PELI2: variants seen among roughly 807,000 people sequenced by gnomAD.
The protein encoded by PELI2 is pellino E3 ubiquitin protein ligase family member 2, also known as E3 ubiquitin-protein ligase pellino homolog 2.
Under a neutral mutation model 42.3 loss-of-function variants are expected in PELI2, and 23 were observed. The ratio of observed to expected loss-of-function variants is 0.54; its 90% CI spans 0.39 to 0.77. PELI2 has a LOEUF of 0.77. PELI2 is among the 30% of genes least tolerant of loss of function. The pLI, the probability that PELI2 is intolerant of heterozygous loss-of-function variation, is 0.00. For missense variants in PELI2, 463 were observed against 553.2 expected (o/e 0.84, Z 1.64); for synonymous variants, 245 against 212.2 (o/e 1.15, Z -1.34).
intron 2 of PELI2, among the ~76,000 whole-genome samples, chr14:56,184,852 G>A (rs1885711579): frequency 6.6e-6 from 1 of 151,982 alleles, no homozygotes; most frequent in Non-Finnish European, 1.5e-5. Context: ...CTCATATATT[G>A]CTTAGCTTGT....
At chr14:56,200,442 G>A (rs1435797439) in intron 2 of PELI2, among the ~76,000 whole-genome samples, 1 of 152,158 alleles carries the variant, frequency 6.6e-6, no homozygotes. Context: ...GTGGAGTGAA[G>A]ACACGCCTGG....
chr14:56,271,940 T>C (rs1213993842), intron 2 of PELI2, among the ~76,000 whole-genome samples: 1 of 152,152 alleles, frequency 6.6e-6, no homozygotes, highest in Non-Finnish European at 1.5e-5. Context: ...GAAAGGCAAG[T>C]GCAGTGGGCA....
At chr14:56,233,920 C>T (rs1052053465) in intron 2 of PELI2, among the ~76,000 whole-genome samples, 1 of 151,954 alleles carries the variant, frequency 6.6e-6, no homozygotes, top group African/African-American at 2.4e-5. Flanking sequence ...GGAATATTAA[C>T]CCCATCAAAA....
At chr14:56,159,379 C>A (rs182778132) in intron 1 of PELI2, among the ~76,000 whole-genome samples, 2 of 152,300 alleles carry the variant, frequency 1.3e-5, no homozygotes, top group African/African-American at 2.4e-5. Context: ...GAGTATAATA[C>A]CAACTGCCAG....
chr14:56,188,350 G>A (rs1885843981), intron 2 of PELI2, among the ~76,000 whole-genome samples: 1 of 152,182 alleles, frequency 6.6e-6, no homozygotes, highest in Admixed American at 6.5e-5. Flanking sequence ...ACAGGCACAT[G>A]CATAGATAGT....
At chr14:56,202,494 G>A (rs11623568) in intron 2 of PELI2, among the ~76,000 whole-genome samples, 60,918 of 151,466 alleles carry the variant, frequency 0.4, 12,892 homozygotes, top group South Asian at 0.53. Flanking sequence ...CCCCTCCTTC[G>A]CTACACTTGA....
intron 2 of PELI2, among the ~76,000 whole-genome samples, chr14:56,255,738 A>G (rs1888506089): frequency 6.6e-6 from 1 of 152,160 alleles, no homozygotes; most frequent in African/African-American, 2.4e-5. Context: ...GATTGGTGTG[A>G]TCAGGTGTGT....
Position 56,288,902 on chromosome 14 carries a change from A to G in PELI2, c.507+268A>G, listed in dbSNP as rs2139894005. Among the ~76,000 whole-genome samples the G allele has an allele frequency of 6.6e-6, 1 of 152,348 alleles. No individual in the cohort carries two copies. Among genetic ancestry groups the G allele is most frequent in the Admixed American group, 6.5e-5 (1 of 15,302 alleles). On this transcript the variant is annotated intron_variant, in intron 4 of 5. Transcript: ENST00000267460. This position sits in a 1 kb window ranked among gnomAD's most constrained non-coding sequence, Gnocchi z 4.6. ...ATGCCTATAACATTGTCCATAATGT[A>G]TTTACGGCAACGAAGAGGTTTATTT... is the stretch of plus-strand genomic sequence containing the variant.
chr14:56,292,514 A>C (rs1018065389), intron 5 of PELI2, among the ~76,000 whole-genome samples: 5 of 152,336 alleles, frequency 3.3e-5, no homozygotes, highest in Non-Finnish European at 7.4e-5. Context: ...CTCTGGCAGT[A>C]CTTGTCATTT....
rs774012944 is a variant in PELI2 at position 56,220,300 on chromosome 14, G to C, written c.207+41836G>C. 9.2e-5 allele frequency among the ~76,000 whole-genome samples: 14 copies of C among 152,294 alleles called. No individual in the cohort carries two copies. The Middle Eastern group carries it at 0.017, about 185-fold the overall frequency. On this transcript the variant is annotated intron_variant, in intron 2 of 5. Transcript: ENST00000267460. ...CATTTGCGCAAAGGCACACCAGCAG[G>C]GGTGTGTACTGTTTGACGCACAGAT... is the stretch of plus-strand genomic sequence containing the variant.
chr14:56,138,992 T>TGATTCAA (rs1433669805), intron 1 of PELI2, among the ~76,000 whole-genome samples: 1 of 152,210 alleles, frequency 6.6e-6, no homozygotes, highest in East Asian at 1.9e-4. Flanking sequence ...GGATTACATG[T>TGATTCAA]GATTCAAGCT....
chr14:56,246,533 C>T (rs939802871), intron 2 of PELI2, among the ~76,000 whole-genome samples: 5 of 152,148 alleles, frequency 3.3e-5, no homozygotes, highest in African/African-American at 1.2e-4. Flanking sequence ...TTTGAGTGCT[C>T]TTCAGGACAA....
At chr14:56,218,542 T>C (rs965055738) in intron 2 of PELI2, among the ~76,000 whole-genome samples, 1 of 152,244 alleles carries the variant, frequency 6.6e-6, no homozygotes, top group Non-Finnish European at 1.5e-5. Flanking sequence ...TTGTGCGAGA[T>C]TTTAAGGTTA....
chr14:56,213,086 C>G (rs1357194863), intron 2 of PELI2, among the ~76,000 whole-genome samples: 1 of 152,194 alleles, frequency 6.6e-6, no homozygotes, highest in Non-Finnish European at 1.5e-5. Flanking sequence ...CTTATGGACT[C>G]AAGCCCATCT....
chr14:56,125,073 A>G (rs920304438), intron 1 of PELI2, among the ~76,000 whole-genome samples: 1 of 152,130 alleles, frequency 6.6e-6, no homozygotes, highest in African/African-American at 2.4e-5. Context: ...TGGAGTTGGA[A>G]GGAGAAACTG....
chr14:56,176,959 T>G (rs1885406931), intron 1 of PELI2, among the ~76,000 whole-genome samples: 1 of 152,238 alleles, frequency 6.6e-6, no homozygotes, highest in Non-Finnish European at 1.5e-5. Flanking sequence ...TTGTAATGGT[T>G]GTTGACTCAT....
intron 2 of PELI2, among the ~76,000 whole-genome samples, chr14:56,276,949 G>A (rs539094103): frequency 2.0e-5 from 3 of 152,210 alleles, no homozygotes; most frequent in East Asian, 3.9e-4. Context: ...TTTGCTGTGG[G>A]CAGTTTCCAG....
intron 1 of PELI2, among the ~76,000 whole-genome samples, chr14:56,149,858 A>G (rs549061417): frequency 5.9e-5 from 9 of 152,292 alleles, no homozygotes; most frequent in African/African-American, 2.2e-4. Context: ...AGGACGTTTA[A>G]TGTCTTTCCT....
intron 1 of PELI2, among the ~76,000 whole-genome samples, chr14:56,128,548 A>G (rs1421213733): frequency 1.3e-5 from 2 of 152,036 alleles, no homozygotes; most frequent in African/African-American, 4.8e-5. Context: ...GGAGATTGGG[A>G]AAGATTTCCT....
Sources: gnomAD v4.1 joint callset for allele counts (sites outside exome capture counted in the v4.1 genomes callset) on GRCh38, gnomAD v4.1.1 for gene constraint, Gnocchi (gnomAD v3.1) non-coding constraint, MANE v1.5 for transcripts, NCBI Gene and HGNC (gene_info 2026-07-23, HGNC 2026-07-21) for gene names.